C1RL: variants seen among roughly 807,000 people sequenced by gnomAD.
C1RL encodes complement C1r subcomponent like.
In C1RL, 27 loss-of-function variants were observed where a neutral mutation model predicts 27.9. That is an observed-to-expected ratio of 0.97 (90% confidence interval 0.71 to 1.33). The LOEUF is 1.33. Among genes scored for constraint, C1RL ranks in the 40% most tolerant of loss-of-function variants. C1RL has a pLI of 0.00. For synonymous variants in C1RL, 248 were observed against 252.1 expected (o/e 0.98, Z 0.15); for missense variants, 563 against 623.9 (o/e 0.90, Z 1.04).
At position 7,095,806 on chromosome 12, in the gene C1RL, A is replaced by G. The variant is rs1276684773; in HGVS notation, c.*585T>C. On this transcript the variant is annotated 3_prime_UTR_variant, in exon 6 of 6. Transcript: ENST00000266542. ...ATTTGTCACACATAGATAATAACAC[A>G]TCCTTTGCAAATATGGTATGAGGAT... 1.3e-6 allele frequency: 1 copy of G among 753,242 alleles called. No individual in the cohort carries two copies. The highest frequency in any genetic ancestry group is 1.6e-6 in the Non-Finnish European group (1 of 618,414). 46.7% of individuals were successfully genotyped at this position (753,242 alleles called of 1,614,324 possible).
chr12:7,100,307 T>C (rs1477045716), intron 3 of C1RL, among the ~76,000 whole-genome samples: 1 of 152,196 alleles, frequency 6.6e-6, no homozygotes, highest in East Asian at 1.9e-4. Context: ...AATATCAAAA[T>C]TTAAAATGCA....
Position 7,096,425 on chromosome 12 carries a change from T to C in C1RL, c.1430A>G (p.Asp477Gly), listed in dbSNP as rs374924732. Reference sequence around the variant, plus strand: ...GCCATTCATCACTCCCTTGATCCAGTCCACATAGCTGAGCACCTTGGTGTA... The same window carrying C: ...GCCATTCATCACTCCCTTGATCCAGCCCACATAGCTGAGCACCTTGGTGTA... ...DFYTKVLSYV[D>G]WIKGVMNGKN The change falls in exon 6 of 6, where the codon GAC becomes GGC. Residue 477 changes from aspartate to glycine, a missense_variant. Asp to Gly is a moderately conservative substitution (Grantham distance 94). Transcript: ENST00000266542. 6.2e-7 allele frequency: 1 copy of C among 1,613,072 alleles called. No homozygotes were observed. The highest frequency in any genetic ancestry group is 1.7e-4 in the Middle Eastern group (1 of 6,058).
chr12:7,096,208 G>A lies in C1RL; in HGVS notation c.*183C>T. On this transcript the variant is annotated 3_prime_UTR_variant, in exon 6 of 6. Transcript: ENST00000266542. Reference sequence around the variant, plus strand: ...GACTCTGCTTCCTGTCTGGGATGGGGCGGGCTTGCCGGGTGGGGGTTTCTC... The same window carrying A: ...GACTCTGCTTCCTGTCTGGGATGGGACGGGCTTGCCGGGTGGGGGTTTCTC... 5.0e-6 allele frequency: 7 copies of A among 1,386,756 alleles called. No individual in the cohort carries two copies. Among genetic ancestry groups the A allele is most frequent in the Non-Finnish European group, 6.5e-6 (7 of 1,074,438 alleles). The allele number at this position is 1,386,756 out of a possible 1,614,324, so 85.9% of individuals were successfully genotyped here. A position where few individuals can be genotyped will look rare whatever the true frequency, so the allele number is the denominator to read the frequency against.
At position 7,108,263 on chromosome 12, in the gene C1RL, C is replaced by T. The variant is rs146157280; in HGVS notation, c.288G>A (p.Gly96=). The T allele has an allele frequency of 5.0e-6, 8 of 1,611,806 alleles. No individual in the cohort carries two copies. The highest frequency in any genetic ancestry group is 1.3e-5 in the African/African-American group (1 of 74,908). Residue 96 remains glycine, a synonymous_variant, in exon 2 of 6, where the codon GGG becomes GGA. Coordinates refer to ENST00000266542, the MANE Select transcript of C1RL (RefSeq NM_016546.4). ...ATCCCCAGCTCACTGTGACAGAGTC[C>T]CCTGCACAGTCCTGGGACGGCTCCA... ...FDLEPSQDCA[G]DSVTISFVGS...
At chr12:7,101,603 C>T (rs904774233) in intron 3 of C1RL, 1 of 504,272 alleles carries the variant, frequency 2.0e-6, no homozygotes, top group Non-Finnish European at 3.6e-6. Flanking sequence ...TCTGAGTCAT[C>T]ATTTGAAAAT....
Position 7,101,670 on chromosome 12 carries a change from T to C in C1RL, c.490+228A>G, listed in dbSNP as rs1397902120. ...GCATCTCTTTAAAAATGAGATGATC[T>C]GCAAACACTGGGCCTGTAAATCTGC... On this transcript the variant is annotated intron_variant, in intron 3 of 5. Transcript: ENST00000266542. 15 of 544,412 alleles carry C rather than the reference T, an allele frequency of 2.8e-5. No individual in the cohort carries two copies. In the East Asian group the frequency reaches 4.2e-4, roughly 15 times the overall value. 33.7% of individuals were successfully genotyped at this position (544,412 alleles called of 1,614,324 possible).
intron 5 of C1RL, 72 bp downstream of exon 5, chr12:7,099,614 C>G (rs1938552018): frequency 6.5e-7 from 1 of 1,533,738 alleles, no homozygotes; most frequent in Non-Finnish European, 8.8e-7. Flanking sequence ...TTTCCTTTAA[C>G]CCCTGTGTCC....
intron 3 of C1RL, 64 bp from the exon 4 acceptor site, chr12:7,100,090 A>G: frequency 6.0e-6 from 9 of 1,500,826 alleles, no homozygotes; most frequent in Non-Finnish European, 8.1e-6. Context: ...ATTCTGGCCC[A>G]TGGCTATACT....
chr12:7,099,518 G>A, intron 5 of C1RL, 168 bp downstream of exon 5: 2 of 961,824 alleles, frequency 2.1e-6, no homozygotes, highest in Non-Finnish European at 2.5e-6. Context: ...TGAGGAACAA[G>A]CTCCCTGCCT....
rs1692989525 is a variant in C1RL at position 7,099,681 on chromosome 12, C to T, written c.691+5G>A. 1.3e-6 allele frequency: 2 copies of T among 1,552,406 alleles called. No individual in the cohort carries two copies. The highest frequency in any genetic ancestry group is 1.7e-6 in the Non-Finnish European group (2 of 1,147,304). ...GGGGAATGGTGCTAGCAGGTGGCTA[C>T]TCACCAGGCATACACTGAAGAACCT... On this transcript the variant is annotated splice_donor_5th_base_variant and intron_variant, in intron 5 of 5. Transcript: ENST00000266542.
intron 3 of C1RL, among the ~76,000 whole-genome samples, chr12:7,101,100 T>TTC: frequency 1.3e-5 from 1 of 74,674 alleles, no homozygotes. Flanking sequence ...CCTCCTTCCC[T>TTC]CCTTCCTTCC....
intron 3 of C1RL, chr12:7,101,523 G>C (rs1277731734): frequency 3.7e-6 from 1 of 272,646 alleles, no homozygotes; most frequent in Admixed American, 4.6e-5. Context: ...TCCAGCCTTG[G>C]CCTTCCAAAG....
rs1170762422 is a variant in C1RL, at chr12:7,097,024, C to T, written c.831G>A (p.Trp277Ter). 6.2e-7 allele frequency: 1 copy of T among 1,614,192 alleles called. No individual in the cohort carries two copies. The highest frequency in any genetic ancestry group is 8.5e-7 in the Non-Finnish European group (1 of 1,180,030). Residue 277 changes from tryptophan to a stop codon, truncating the protein, a stop_gained, in exon 6 of 6, where the codon TGG becomes TGA. Coordinates refer to ENST00000266542, the MANE Select transcript of C1RL (RefSeq NM_016546.4). LOFTEE classifies it low-confidence loss of function (END_TRUNC). ...AGATGGTGTGGGCAGCAGTGAGGAT[C>T]CATCTGTCCCCCAGCAGGGCCCCGC... ...RGGGALLGDR[W>*]ILTAAHTIYP...
chr12:7,099,438 C>T, intron 5 of C1RL: 1 of 983,894 alleles, frequency 1.0e-6, no homozygotes, highest in South Asian at 4.7e-5. Context: ...GGTCTCTCTT[C>T]CTCCTTTTCT....
At position 7,108,406 on chromosome 12, in the gene C1RL, G is replaced by T. The variant is rs953649935; in HGVS notation, c.145C>A (p.Pro49Thr). Residue 49 changes from proline to threonine, a missense_variant, in exon 2 of 6, where the codon CCC becomes ACC. Coordinates refer to ENST00000266542, the MANE Select transcript of C1RL (RefSeq NM_016546.4). ...RGSVLLAQEL[P>T]QQLTSPGYPE... Reference sequence around the variant, plus strand: ...TACCCGGGGGATGTCAGCTGCTGGGGTAGCTCTTGGGCCAAGAGGACGGAG... The same window carrying T: ...TACCCGGGGGATGTCAGCTGCTGGGTTAGCTCTTGGGCCAAGAGGACGGAG... The T allele has an allele frequency of 6.2e-7, 1 of 1,613,886 alleles. No homozygotes were observed. The highest frequency in any genetic ancestry group is 8.5e-7 in the Non-Finnish European group (1 of 1,179,946).
At chr12:7,100,733 G>C (rs962165770) in intron 3 of C1RL, among the ~76,000 whole-genome samples, 13 of 152,138 alleles carry the variant, frequency 8.5e-5, no homozygotes, top group African/African-American at 3.1e-4. Flanking sequence ...GTTGCAATGA[G>C]AAGAGACTGC....
Position 7,108,629 on chromosome 12 carries a change from C to G in C1RL, c.72-150G>C, listed in dbSNP as rs1938838177. On this transcript the variant is annotated intron_variant, in intron 1 of 5. Transcript: ENST00000266542. ...CCTCACCCTTGAGGCCCGGGCACTT[C>G]CCGTCTCCTCCCTTGCTCCCCTTCC... The G allele has an allele frequency of 6.5e-6, 4 of 612,454 alleles. No homozygotes were observed. The East Asian group carries it at 1.1e-4, about 17-fold the overall frequency. The allele number at this position is 612,454 out of a possible 1,614,324, so 37.9% of individuals were successfully genotyped here. A position where few individuals can be genotyped will look rare whatever the true frequency, so the allele number is the denominator to read the frequency against.
intron 3 of C1RL, among the ~76,000 whole-genome samples, chr12:7,101,077 CCTTCCT>C (rs1938603600): frequency 6.7e-6 from 1 of 149,974 alleles, no homozygotes; most frequent in African/African-American, 2.5e-5. Context: ...TCCTTCCTTT[CCTTCCT>C]TCCTTCCCTC....
Position 7,094,721 on chromosome 12 carries a change from AC to A in C1RL, c.*1669del. 3.1e-6 allele frequency: 3 copies of A among 981,262 alleles called. No individual in the cohort carries two copies. Among genetic ancestry groups the A allele is most frequent in the Non-Finnish European group, 3.6e-6 (3 of 826,174 alleles). 60.8% of individuals were successfully genotyped at this position (981,262 alleles called of 1,614,324 possible). ...CAGCCAAAATCTTATCAATAAAACC[AC>A]CTCTGTTTAGTATTTTGAGAGAATT... On this transcript the variant is annotated 3_prime_UTR_variant, in exon 6 of 6. Transcript: ENST00000266542.
Sources: gnomAD v4.1 joint callset for allele counts (sites outside exome capture counted in the v4.1 genomes callset) on GRCh38, gnomAD v4.1.1 for gene constraint, MANE v1.5 for transcripts, NCBI Gene and HGNC (gene_info 2026-07-23, HGNC 2026-07-21) for gene names.